Variants in ZNF774 observed in about 807,000 individuals in gnomAD.
ZNF774 encodes the protein zinc finger protein 774.
A neutral mutation model predicts 11.1 loss-of-function variants in ZNF774; 14 were observed. The observed-to-expected ratio is 1.26, with a 90% CI of 0.83 to 1.97. ZNF774 has a LOEUF of 1.97. ZNF774 is among the 30% of genes most tolerant of loss of function. ZNF774 has a pLI of 0.00. For missense variants in ZNF774, 599 were observed against 587.0 expected, an observed-to-expected ratio of 1.02 and a Z score of -0.21; for synonymous variants, 195 against 212.6, an observed-to-expected ratio of 0.92 and a Z score of 0.72.
chr15:90,356,176 T>C (rs1274836607), intron 2 of ZNF774, among the ~76,000 whole-genome samples: 1 of 148,736 alleles, frequency 6.7e-6, no homozygotes, highest in Non-Finnish European at 1.5e-5. Context: ...TGGAGTGCCA[T>C]GGCATGATCT....
Position 90,354,778 on chromosome 15 carries a change from T to C in ZNF774, c.104+14T>C. 6.3e-7 allele frequency: 1 copy of C among 1,580,832 alleles called. No homozygotes were observed. The highest frequency in any genetic ancestry group is 8.7e-7 in the Non-Finnish European group (1 of 1,153,660). ...GGCTCTCAAAGGGTAAGAATGCTAC[T>C]CTCCTTTATTTCATTTATTTATCTT... is the stretch of plus-strand genomic sequence containing the variant. On this transcript the variant is annotated intron_variant, in intron 2 of 3. Transcript: ENST00000354377.
chr15:90,352,420 T>TTCAA lies in ZNF774; in HGVS notation c.-20+10_-20+13dup, dbSNP rs890164825. On this transcript the variant is annotated intron_variant, in intron 1 of 3. Coordinates refer to ENST00000354377, the MANE Select transcript of ZNF774 (RefSeq NM_001004309.3). The stretch of plus-strand genomic sequence containing the variant: ...GGCTGGGCCCTGGGGCGGTGAGTGA[T>TTCAA]TCAAGGAGGGAGACCGCGGCGGCAG... 9 of 152,360 alleles carry TTCAA rather than the reference T, an allele frequency of 5.9e-5. No individual in the cohort carries two copies. The highest frequency in any genetic ancestry group is 6.8e-3 in the Middle Eastern group (2 of 294). 9.4% of individuals were successfully genotyped at this position (152,360 alleles called of 1,614,324 possible). A position where few individuals can be genotyped will look rare whatever the true frequency, so the allele number is the denominator to read the frequency against.
At chr15:90,354,887 T>C in intron 2 of ZNF774, 123 bp downstream of exon 2, 1 of 809,212 alleles carries the variant, frequency 1.2e-6, no homozygotes, top group Non-Finnish European at 2.0e-6. Context: ...CTGTGCCTCC[T>C]GGGCTCAAGC....
At position 90,352,352 on chromosome 15, in the gene ZNF774, G is replaced by A. The variant is rs1880664759; in HGVS notation, c.-79G>A. The A allele has an allele frequency of 1.3e-5, 2 of 152,646 alleles. No homozygotes were observed. The highest frequency in any genetic ancestry group is 4.1e-4 in the South Asian group (2 of 4,830). The allele number at this position is 152,646 out of a possible 1,614,324, so 9.5% of individuals were successfully genotyped here. A position where few individuals can be genotyped will look rare whatever the true frequency, so the allele number is the denominator to read the frequency against. The stretch of plus-strand genomic sequence containing the variant: ...GGCACAGCCTCGGGGTTGCGGGCCG[G>A]GTGCGGCTCGGCGGTGGAGGACTCA... On this transcript the variant is annotated 5_prime_UTR_variant, in exon 1 of 4. Coordinates refer to ENST00000354377, the MANE Select transcript of ZNF774 (RefSeq NM_001004309.3).
chr15:90,358,359 A>T (rs1316350011), intron 2 of ZNF774, among the ~76,000 whole-genome samples: 2 of 152,188 alleles, frequency 1.3e-5, no homozygotes, highest in East Asian at 3.8e-4. Flanking sequence ...GTTATAATGG[A>T]ATTTCTTTGA....
Position 90,362,512 on chromosome 15 carries a change from T to G in ZNF774, c.*1229T>G. 1 of 1,533,460 alleles carries G rather than the reference T, an allele frequency of 6.5e-7. No individual in the cohort carries two copies. Among genetic ancestry groups the G allele is most frequent in the Non-Finnish European group, 8.7e-7 (1 of 1,144,670 alleles). 95.0% of individuals were successfully genotyped at this position (1,533,460 alleles called of 1,614,324 possible). On this transcript the variant is annotated 3_prime_UTR_variant, in exon 4 of 4. Transcript: ENST00000354377. Reference sequence around the variant, plus strand: ...ATTTGCTGGGTCATTGGCCATTTAGTTTTAGGTTAATATAATTCTCTGATC... The same window carrying G: ...ATTTGCTGGGTCATTGGCCATTTAGGTTTAGGTTAATATAATTCTCTGATC...
rs1240085375 is a variant in ZNF774 at position 90,354,647 on chromosome 15, G to A, written c.-14G>A. On this transcript the variant is annotated 5_prime_UTR_variant, in exon 2 of 4. Coordinates refer to ENST00000354377, the MANE Select transcript of ZNF774 (RefSeq NM_001004309.3). ...ATTGAGGTCTCTTGCTTTAGGAACT[G>A]ATGACGCTTGATAATGTGGCTGGGG... 3.1e-6 allele frequency: 5 copies of A among 1,590,562 alleles called. No homozygotes were observed. The Admixed American group carries it at 6.9e-5, about 22-fold the overall frequency.
intron 2 of ZNF774, 108 bp from the exon 3 acceptor site, chr15:90,358,743 A>G (rs1964281206): frequency 2.7e-6 from 2 of 730,516 alleles, no homozygotes; most frequent in Admixed American, 5.0e-5. Flanking sequence ...TACACGTTAG[A>G]GCTCCCCAGG....
Position 90,360,704 on chromosome 15 carries a change from C to T in ZNF774, c.873C>T (p.Tyr291=). 1.2e-6 allele frequency: 2 copies of T among 1,614,198 alleles called. No individual in the cohort carries two copies. The highest frequency in any genetic ancestry group is 1.1e-5 in the South Asian group (1 of 91,086). The change falls in exon 4 of 4, where the codon TAC becomes TAT. Residue 291 remains tyrosine (Y), a synonymous_variant. Coordinates refer to ENST00000354377, the MANE Select transcript of ZNF774 (RefSeq NM_001004309.3). ...HQRTHTGVKP[Y]RCNDCGESFS... is the part of the protein sequence containing the mutation. Reference sequence around the variant, plus strand: ...GGACCCACACAGGGGTGAAGCCTTACAGGTGTAATGACTGTGGGGAGAGTT... The same window carrying T: ...GGACCCACACAGGGGTGAAGCCTTATAGGTGTAATGACTGTGGGGAGAGTT...
Position 90,360,826 on chromosome 15 carries a change from C to T in ZNF774, c.995C>T (p.Ser332Phe), listed in dbSNP as rs768484614. 30 of 1,614,012 alleles carry T rather than the reference C, an allele frequency of 1.9e-5. No homozygotes were observed. Among genetic ancestry groups the T allele is most frequent in the Non-Finnish European group, 2.5e-5 (29 of 1,180,034 alleles). The change falls in exon 4 of 4, where the codon TCT becomes TTT. Residue 332 changes from serine to phenylalanine, a missense_variant. Transcript: ENST00000354377. ...TGCGGGAAGGGCTTCAGAGATAGTTCTCATTTTGTAGCTCACATGAGCACT... is the reference window on the plus strand; with the variant it reads ...TGCGGGAAGGGCTTCAGAGATAGTTTTCATTTTGTAGCTCACATGAGCACT... The part of the protein sequence containing the change: ...PECGKGFRDS[S>F]HFVAHMSTHS...
chr15:90,353,524 C>T (rs1964202989), intron 1 of ZNF774, among the ~76,000 whole-genome samples: 1 of 149,342 alleles, frequency 6.7e-6, no homozygotes, highest in African/African-American at 2.5e-5. Flanking sequence ...AGTAAAACTT[C>T]TTCACCACAG....
chr15:90,360,242 G>A lies in ZNF774; in HGVS notation c.411G>A (p.Arg137=). 1 of 1,614,162 alleles carries A rather than the reference G, an allele frequency of 6.2e-7. No individual in the cohort carries two copies. Among genetic ancestry groups the A allele is most frequent in the Non-Finnish European group, 8.5e-7 (1 of 1,180,044 alleles). The change falls in exon 4 of 4, where the codon AGG becomes AGA. Residue 137 remains arginine, a synonymous_variant. Coordinates refer to ENST00000354377, the MANE Select transcript of ZNF774 (RefSeq NM_001004309.3). The part of the protein sequence containing the change: ...EGQLESFSQE[R]DLNKLLDGYV... ...AGCTGGAGTCCTTTTCACAGGAGAG[G>A]GATTTAAACAAGCTCCTGGATGGAT...
chr15:90,362,435 T>C lies in ZNF774; in HGVS notation c.*1152T>C. ...AAATTGCTGAGAATGTCAAATGATA[T>C]TACAGGGATCCTCCCTGGCATTTAG... On this transcript the variant is annotated 3_prime_UTR_variant, in exon 4 of 4. Coordinates refer to ENST00000354377, the MANE Select transcript of ZNF774 (RefSeq NM_001004309.3). The C allele has an allele frequency of 2.0e-6, 2 of 1,003,746 alleles. No individual in the cohort carries two copies. Among genetic ancestry groups the C allele is most frequent in the Non-Finnish European group, 1.5e-6 (1 of 668,752 alleles). The allele number at this position is 1,003,746 out of a possible 1,614,324, so 62.2% of individuals were successfully genotyped here.
In ZNF774 at chr15:90,360,686, C is replaced by T. The variant is rs1964318582; in HGVS notation, c.855C>T (p.His285=). 1.2e-6 allele frequency: 2 copies of T among 1,614,120 alleles called. No homozygotes were observed. Among genetic ancestry groups the T allele is most frequent in the Admixed American group, 1.7e-5 (1 of 60,008 alleles). Residue 285 remains histidine, a synonymous_variant, in exon 4 of 4, where the codon CAC becomes CAT. Coordinates refer to ENST00000354377, the MANE Select transcript of ZNF774 (RefSeq NM_001004309.3). The stretch of plus-strand genomic sequence containing the variant: ...ATTTCATCACTCACCAGAGGACCCA[C>T]ACAGGGGTGAAGCCTTACAGGTGTA... ...SSNFITHQRT[H]TGVKPYRCND...
At position 90,360,546 on chromosome 15, in the gene ZNF774, G is replaced by T; in HGVS notation, c.715G>T (p.Glu239Ter). 6.2e-7 allele frequency: 1 copy of T among 1,613,782 alleles called. No individual in the cohort carries two copies. The highest frequency in any genetic ancestry group is 8.5e-7 in the Non-Finnish European group (1 of 1,179,946). ...AGGGGAGAGACCCTATGAGTGCCCA[G>T]AGTGTGGAAAGACTTTTGGGCGGAA... The part of the protein sequence containing the change: ...HTGERPYECP[E>*]CGKTFGRKPH... Residue 239 changes from glutamate to a stop codon, truncating the protein, a stop_gained, in exon 4 of 4, where the codon GAG becomes TAG. Transcript: ENST00000354377. LOFTEE classifies it low-confidence loss of function (END_TRUNC).
intron 2 of ZNF774, among the ~76,000 whole-genome samples, chr15:90,356,788 G>C (rs2151681685): frequency 6.6e-6 from 1 of 152,250 alleles, no homozygotes; most frequent in South Asian, 2.1e-4. Flanking sequence ...TGTTGATGAA[G>C]TCAAACATTA....
intron 1 of ZNF774, among the ~76,000 whole-genome samples, chr15:90,352,888 C>T (rs1964192974): frequency 6.6e-6 from 1 of 152,106 alleles, no homozygotes; most frequent in African/African-American, 2.4e-5. Flanking sequence ...AGACGTCTCC[C>T]CTCCTCAGTG....
At position 90,361,211 on chromosome 15, in the gene ZNF774, CTG is replaced by C; in HGVS notation, c.1382_1383del (p.Cys461Ter). On this transcript the variant is annotated frameshift_variant, in exon 4 of 4. Transcript: ENST00000354377. LOFTEE classifies it high-confidence loss of function. ...RTHTGEKPFH[C>X]SKCNKSFRQK... ...CGCATACAGGAGAAAAACCTTTCCA[CTG>C]TAGTAAATGTAACAAGAGCTTCCGT... is the stretch of plus-strand genomic sequence containing the variant. 1 of 1,613,970 alleles carries C rather than the reference CTG, an allele frequency of 6.2e-7. No homozygotes were observed. The highest frequency in any genetic ancestry group is 1.1e-5 in the South Asian group (1 of 91,064).
In ZNF774 at chr15:90,360,566, G is replaced by C. The variant is rs1280486411; in HGVS notation, c.735G>C (p.Gly245=). 1 of 1,611,848 alleles carries C rather than the reference G, an allele frequency of 6.2e-7. No homozygotes were observed. The highest frequency in any genetic ancestry group is 8.5e-7 in the Non-Finnish European group (1 of 1,179,394). ...YECPECGKTF[G]RKPHLIMHQR... ...GCCCAGAGTGTGGAAAGACTTTTGG[G>C]CGGAAGCCACACCTCATAATGCACC... The change falls in exon 4 of 4, where the codon GGG becomes GGC. Residue 245 remains glycine (G), a synonymous_variant. Transcript: ENST00000354377.
Sources: gnomAD v4.1 joint callset for allele counts (sites outside exome capture counted in the v4.1 genomes callset) on GRCh38, gnomAD v4.1.1 for gene constraint, MANE v1.5 for transcripts, NCBI Gene and HGNC (gene_info 2026-07-23, HGNC 2026-07-21) for gene names.